Variants in PRPF6 observed in about 807,000 individuals in gnomAD.
PRPF6 encodes pre-mRNA processing factor 6.
In PRPF6, 42 loss-of-function variants were observed where a neutral mutation model predicts 118.3. The ratio of observed to expected loss-of-function variants is 0.35; its 90% CI spans 0.28 to 0.46. The LOEUF is 0.46. Ranked by LOEUF, PRPF6 falls within the 20% of genes least tolerant of loss-of-function variation. PRPF6 has a pLI of 1.00. For synonymous variants in PRPF6, 481 were observed against 485.1 expected (o/e 0.99, Z 0.11); for missense variants, 662 against 1,255.7 (o/e 0.53, Z 7.15).
At chr20:64,025,569 C>T (rs577198552) in intron 14 of PRPF6, among the ~76,000 whole-genome samples, 130 of 152,342 alleles carry the variant, frequency 8.5e-4, no homozygotes, top group Non-Finnish European at 1.5e-3. Flanking sequence ...GGGGAAAGAG[C>T]GAGGTTGCGT....
chr20:64,023,106 A>G (rs879295241), intron 13 of PRPF6, among the ~76,000 whole-genome samples: 1 of 152,220 alleles, frequency 6.6e-6, no homozygotes, highest in Non-Finnish European at 1.5e-5. Context: ...CTGAGAAACA[A>G]GGAACCCCGG....
Position 63,994,963 on chromosome 20 carries a change from G to A in PRPF6, c.486G>A (p.Glu162=). ...AAGAAGAGTGGCTGAGCATCCCCGA[G>A]GTTGGCGATGCCAGAAATAAACGTC... ...VTEEEWLSIP[E]VGDARNKRQR... is the part of the protein sequence containing the mutation. The change falls in exon 5 of 21, where the codon GAG becomes GAA. Residue 162 remains glutamate (E), a synonymous_variant. Coordinates refer to ENST00000266079, the MANE Select transcript of PRPF6 (RefSeq NM_012469.4). The A allele has an allele frequency of 1.2e-6, 2 of 1,614,168 alleles. No individual in the cohort carries two copies. Among genetic ancestry groups the A allele is most frequent in the Non-Finnish European group, 1.7e-6 (2 of 1,180,036 alleles).
chr20:64,027,113 G>A lies in PRPF6; in HGVS notation c.2160G>A (p.Glu720=), dbSNP rs752054951. ...KLWMMKGQIE[E]QKEMMEKARE... ...GGATGATGAAGGGGCAGATCGAGGA[G>A]CAGAAGGAGATGATGGAGAAGGCGC... is the stretch of plus-strand genomic sequence containing the variant. The change falls in exon 16 of 21, where the codon GAG becomes GAA. Residue 720 remains glutamate (E), a synonymous_variant. Transcript: ENST00000266079. This position sits in a 1 kb window ranked among gnomAD's most constrained non-coding sequence, Gnocchi z 6.5. The A allele has an allele frequency of 1.5e-5, 25 of 1,613,950 alleles. No homozygotes were observed. The highest frequency in any genetic ancestry group is 2.0e-5 in the Non-Finnish European group (24 of 1,180,044).
rs145483312 is a variant in PRPF6, at chr20:64,024,582, G to A, written c.1797G>A (p.Arg599=). The A allele has an allele frequency of 1.6e-4, 259 of 1,613,640 alleles. No homozygotes were observed. The African/African-American group carries it at 3.2e-3, about 20-fold the overall frequency. Residue 599 remains arginine (R), a synonymous_variant, in exon 14 of 21, where the codon AGG becomes AGA. Transcript: ENST00000266079. ...AGTCCCTGGAAGCACTCCTGCAGAG[G>A]GCTGTGGCCCACTGCCCCAAAGCAG... The part of the protein sequence containing the change: ...TRESLEALLQ[R]AVAHCPKAEV...
intron 5 of PRPF6, 31 bp downstream of exon 5, chr20:63,995,123 C>T (rs374010477): frequency 1.2e-6 from 2 of 1,613,732 alleles, no homozygotes; most frequent in Non-Finnish European, 1.7e-6. Context: ...ACATGTGGCC[C>T]ATTTAGTCCT....
intron 6 of PRPF6, 123 bp downstream of exon 6, chr20:63,995,605 TCTC>T (rs1877630331): frequency 2.7e-6 from 3 of 1,105,676 alleles, no homozygotes; most frequent in Admixed American, 2.5e-5. Context: ...TCCTCCTTCT[TCTC>T]CTTCTCCTTT....
rs1362446392 is a variant in PRPF6 at position 63,993,499 on chromosome 20, G to C, written c.438+14G>C. The C allele has an allele frequency of 6.2e-7, 1 of 1,601,574 alleles. No homozygotes were observed. The highest frequency in any genetic ancestry group is 8.6e-7 in the Non-Finnish European group (1 of 1,169,262). The stretch of plus-strand genomic sequence containing the variant: ...TCAGACCTCAAGGTGAGCCGATGAA[G>C]CGGTGAATGGTGTGCGGTTTCTAAC... On this transcript the variant is annotated intron_variant, in intron 4 of 20. Transcript: ENST00000266079.
chr20:63,981,202 C>T lies in PRPF6; in HGVS notation c.-44C>T, dbSNP rs559207331. The T allele has an allele frequency of 5.0e-5, 78 of 1,566,244 alleles. 1 individual carries two copies. The South Asian group carries it at 8.7e-4, about 17-fold the overall frequency. ...AGTCTCTGCGTCTTTCCCTCTTCCG[C>T]TGCCTCATTCCTTTCCTTCCTAGCC... On this transcript the variant is annotated 5_prime_UTR_variant, in exon 1 of 21. Coordinates refer to ENST00000266079, the MANE Select transcript of PRPF6 (RefSeq NM_012469.4).
chr20:63,997,823 G>A (rs1439455596), intron 6 of PRPF6, among the ~76,000 whole-genome samples: 1 of 151,682 alleles, frequency 6.6e-6, no homozygotes, highest in African/African-American at 2.4e-5. Flanking sequence ...GATCCACGTG[G>A]CTCGGCCTCC....
At position 63,999,158 on chromosome 20, in the gene PRPF6, C is replaced by G. The variant is rs573909801; in HGVS notation, c.866+19C>G. The G allele has an allele frequency of 1.2e-6, 2 of 1,606,696 alleles. No homozygotes were observed. The highest frequency in any genetic ancestry group is 2.7e-5 in the African/African-American group (2 of 74,862). Reference sequence around the variant, plus strand: ...ACATCAAGTGAGTGCTTTGCAGAATCGCTGGGCTGGGATGGAGACTCTAGT... The same window carrying G: ...ACATCAAGTGAGTGCTTTGCAGAATGGCTGGGCTGGGATGGAGACTCTAGT... On this transcript the variant is annotated intron_variant, in intron 7 of 20. Transcript: ENST00000266079.
intron 3 of PRPF6, among the ~76,000 whole-genome samples, chr20:63,987,478 G>T (rs1171892514): frequency 6.9e-6 from 1 of 145,200 alleles, no homozygotes; most frequent in Non-Finnish European, 1.5e-5. Flanking sequence ...GTGTCGCAAA[G>T]AAAAAAAAAA....
At position 64,016,742 on chromosome 20, in the gene PRPF6, G is replaced by C; in HGVS notation, c.1544G>C (p.Arg515Thr). The part of the protein sequence containing the change: ...QWIQDAEECD[R>T]AGSVATCQAV... ...TTTCAGGATGCCGAGGAATGTGACA[G>C]GGCTGGGAGTGTGGCCACCTGCCAG... Residue 515 changes from arginine (R) to threonine (T), a missense_variant, in exon 12 of 21, where the codon AGG (arginine) becomes ACG (threonine). By Grantham distance (71) the Arg-to-Thr change is moderately conservative. This residue lies in a region of PRPF6 where 189 missense variants were observed against 323.5 expected (regional missense o/e 0.58). Coordinates refer to ENST00000266079, the MANE Select transcript of PRPF6 (RefSeq NM_012469.4). 1 of 1,614,124 alleles carries C rather than the reference G, an allele frequency of 6.2e-7. No individual in the cohort carries two copies. Among genetic ancestry groups the C allele is most frequent in the Non-Finnish European group, 8.5e-7 (1 of 1,180,010 alleles).
chr20:64,002,476 C>T (rs2059171987), intron 9 of PRPF6, among the ~76,000 whole-genome samples: 1 of 151,500 alleles, frequency 6.6e-6, no homozygotes, highest in South Asian at 2.1e-4. Context: ...GCCGGGATTA[C>T]AGGTGTGCGC....
chr20:64,000,846 C>T (rs1348555121), intron 8 of PRPF6, among the ~76,000 whole-genome samples: 11 of 152,170 alleles, frequency 7.2e-5, no homozygotes, highest in African/African-American at 2.4e-4. Flanking sequence ...GGATTACAGG[C>T]GTGAGCCACC....
At position 64,026,858 on chromosome 20, in the gene PRPF6, C is replaced by T. The variant is rs2059293603; in HGVS notation, c.2029-124C>T. On this transcript the variant is annotated intron_variant, in intron 15 of 20. Transcript: ENST00000266079. The surrounding 1 kb of genome is among the most constrained non-coding windows in gnomAD (Gnocchi z 4.4). ...TATCCCCACCTTTTGTGTACACAAA[C>T]AGGCTATGAAAAGCTTACAAAAGTA... The T allele has an allele frequency of 2.0e-6, 2 of 998,936 alleles. No individual in the cohort carries two copies. The highest frequency in any genetic ancestry group is 1.9e-5 in the Admixed American group (1 of 52,850). 61.9% of individuals were successfully genotyped at this position (998,936 alleles called of 1,614,324 possible).
At position 63,995,204 on chromosome 20, in the gene PRPF6, C is replaced by G. The variant is rs927000415; in HGVS notation, c.615+112C>G. 2.5e-6 allele frequency: 4 copies of G among 1,579,048 alleles called. No individual in the cohort carries two copies. In the African/African-American group the frequency reaches 5.4e-5, roughly 21 times the overall value. ...TCTGCAGGTCATGGCTATGCTGTGG[C>G]CGAGTCTGTCTGCACAGCTGTGCAT... On this transcript the variant is annotated intron_variant, in intron 5 of 20. Transcript: ENST00000266079.
At chr20:64,022,104 CT>C (rs1483134759) in intron 12 of PRPF6, among the ~76,000 whole-genome samples, 1 of 152,278 alleles carries the variant, frequency 6.6e-6, no homozygotes, top group Non-Finnish European at 1.5e-5. Flanking sequence ...ACTTGTGCAC[CT>C]CTCGCAGGCC....
At position 64,026,659 on chromosome 20, in the gene PRPF6, G is replaced by A. The variant is rs2059292383; in HGVS notation, c.2029-323G>A. 6.6e-6 allele frequency among the ~76,000 whole-genome samples: 1 copy of A among 152,066 alleles called. No individual in the cohort carries two copies. The highest frequency in any genetic ancestry group is 2.1e-4 in the South Asian group (1 of 4,818). On this transcript the variant is annotated intron_variant, in intron 15 of 20. Transcript: ENST00000266079. The surrounding 1 kb of genome is among the most constrained non-coding windows in gnomAD (Gnocchi z 4.4). ...CTGCTAAAAATACAAAATTAGCTGG[G>A]TGTGGTGGCTTGCACCTGTAGTTCC... is the stretch of plus-strand genomic sequence containing the variant.
At chr20:63,992,783 G>A (rs533092234) in intron 3 of PRPF6, among the ~76,000 whole-genome samples, 1 of 151,762 alleles carries the variant, frequency 6.6e-6, no homozygotes, top group Non-Finnish European at 1.5e-5. Context: ...GCCCAGGCTG[G>A]AGTGCAGTGG....
Sources: gnomAD v4.1 joint callset for allele counts (sites outside exome capture counted in the v4.1 genomes callset) on GRCh38, gnomAD v4.1.1 for gene constraint, gnomAD v4.1.1 regional missense constraint, Gnocchi (gnomAD v3.1) non-coding constraint, MANE v1.5 for transcripts, NCBI Gene and HGNC (gene_info 2026-07-23, HGNC 2026-07-21) for gene names.